IBTK: variants seen among roughly 807,000 people sequenced by gnomAD.
IBTK encodes BTK-binding protein.
A neutral mutation model predicts 154.9 loss-of-function variants in IBTK; 83 were observed. The ratio of observed to expected loss-of-function variants is 0.54; its 90% CI spans 0.45 to 0.64. IBTK has a LOEUF of 0.64. Ranked by LOEUF, IBTK falls within the 30% of genes least tolerant of loss-of-function variation. The pLI, the probability that IBTK is intolerant of heterozygous loss-of-function variation, is 0.00. For synonymous variants in IBTK, 515 were observed against 536.1 expected (o/e 0.96, Z 0.54); for missense variants, 1,332 against 1,584.6 (o/e 0.84, Z 2.71).
At position 82,170,725 on chromosome 6, in the gene IBTK, C is replaced by T. The variant is rs2127794463; in HGVS notation, c.*700G>A. The stretch of plus-strand genomic sequence containing the variant: ...TCCCACCAAAAATAACCCACAATGA[C>T]TCCAAATCTTGTTTTTCTTTTTTAA... On this transcript the variant is annotated 3_prime_UTR_variant, in exon 29 of 29. Transcript: ENST00000306270. 6.6e-6 allele frequency: 1 copy of T among 152,176 alleles called. No individual in the cohort carries two copies. Among genetic ancestry groups the T allele is most frequent in the East Asian group, 1.9e-4 (1 of 5,204 alleles). The allele number at this position is 152,176 out of a possible 1,614,324, so 9.4% of individuals were successfully genotyped here. A position where few individuals can be genotyped will look rare whatever the true frequency, so the allele number is the denominator to read the frequency against.
intron 26 of IBTK, among the ~76,000 whole-genome samples, chr6:82,180,137 C>A (rs1393565771): frequency 6.6e-6 from 1 of 151,704 alleles, no homozygotes; most frequent in Non-Finnish European, 1.5e-5. Context: ...AGACTATGTA[C>A]CTAGTTTTAT....
At position 82,172,342 on chromosome 6, in the gene IBTK, T is replaced by A. The variant is rs761291428; in HGVS notation, c.3930+38A>T. ...TTAAAACCTAAGTAGGAAATGTAGTTCTTCTCTAAATTAAACCCTACTAAG... is the reference window on the plus strand; with the variant it reads ...TTAAAACCTAAGTAGGAAATGTAGTACTTCTCTAAATTAAACCCTACTAAG... On this transcript the variant is annotated intron_variant, in intron 28 of 28. Transcript: ENST00000306270. 13 of 1,584,100 alleles carry A rather than the reference T, an allele frequency of 8.2e-6. No individual in the cohort carries two copies. In the South Asian group the frequency reaches 1.2e-4, roughly 14 times the overall value.
intron 2 of IBTK, among the ~76,000 whole-genome samples, chr6:82,238,402 T>A (rs1770814935): frequency 6.6e-6 from 1 of 152,110 alleles, no homozygotes; most frequent in Non-Finnish European, 1.5e-5. Flanking sequence ...ACACACCTAA[T>A]CTACTAGAAA....
At chr6:82,203,036 T>C (rs1170609837) in intron 17 of IBTK, among the ~76,000 whole-genome samples, 1 of 151,890 alleles carries the variant, frequency 6.6e-6, no homozygotes, top group African/African-American at 2.4e-5. Context: ...CCCTCTTCCA[T>C]AAAACTAAAA....
intron 6 of IBTK, among the ~76,000 whole-genome samples, chr6:82,224,509 A>C (rs1770222460): frequency 6.6e-6 from 1 of 152,236 alleles, no homozygotes; most frequent in African/African-American, 2.4e-5. Flanking sequence ...TCTCATTCTT[A>C]ATAGAAAACA....
rs760058087 is a variant in IBTK, at chr6:82,194,494, A to G, written c.3323T>C (p.Val1108Ala). The G allele has an allele frequency of 9.5e-6, 15 of 1,577,920 alleles. No homozygotes were observed. The highest frequency in any genetic ancestry group is 1.3e-5 in the Non-Finnish European group (15 of 1,164,392). The change falls in exon 23 of 29, where the codon GTT (valine) becomes GCT (alanine). Residue 1108 changes from valine to alanine, a missense_variant. Val to Ala is a moderately conservative substitution (Grantham distance 64). Coordinates refer to ENST00000306270, the MANE Select transcript of IBTK (RefSeq NM_015525.4). The stretch of plus-strand genomic sequence containing the variant: ...AAAATCCTACCTGAAAGAACCAGCA[A>G]CCCAACTGGCAGAGCTGGTAGTATC... ...RIDTTSSASW[V>A]AGSFSPVSPP...
intron 26 of IBTK, among the ~76,000 whole-genome samples, chr6:82,176,474 T>TCACGC (rs1368830385): frequency 7.3e-6 from 1 of 136,494 alleles, no homozygotes; most frequent in Non-Finnish European, 1.5e-5. Context: ...TGAGCGGAGA[T>TCACGC]CACGCCATTG....
intron 25 of IBTK, among the ~76,000 whole-genome samples, chr6:82,188,323 T>C (rs1056632228): frequency 6.6e-6 from 1 of 152,212 alleles, no homozygotes; most frequent in African/African-American, 2.4e-5. Flanking sequence ...TTTTGGTTGA[T>C]TGGTTTATTT....
In IBTK at chr6:82,220,605, C is replaced by T; in HGVS notation, c.1233G>A (p.Met411Ile). The T allele has an allele frequency of 6.2e-7, 1 of 1,611,294 alleles. No homozygotes were observed. Among genetic ancestry groups the T allele is most frequent in the Non-Finnish European group, 8.5e-7 (1 of 1,179,044 alleles). The change falls in exon 9 of 29, where the codon ATG becomes ATA. Residue 411 changes from methionine to isoleucine, a missense_variant. Met to Ile is a conservative substitution (Grantham distance 10, BLOSUM62 1). Coordinates refer to ENST00000306270, the MANE Select transcript of IBTK (RefSeq NM_015525.4). ...ATGTACTTACCCTTCCAGCTCCATC[C>T]ATTGCAAGAATGCAAATTTTTTGAC... ...NGGQKICILA[M>I]DGAGRVFCWR...
intron 12 of IBTK, among the ~76,000 whole-genome samples, chr6:82,213,884 A>G (rs1289062022): frequency 6.6e-6 from 1 of 152,138 alleles, no homozygotes; most frequent in Non-Finnish European, 1.5e-5. Flanking sequence ...AAGGAGAAAG[A>G]GAAGGGGATG....
chr6:82,200,032 T>A (rs777928219), intron 21 of IBTK, 109 bp downstream of exon 21: 8 of 710,496 alleles, frequency 1.1e-5, no homozygotes, highest in African/African-American at 1.8e-5. Context: ...AAACTATCAC[T>A]TTTGGTACCT....
At chr6:82,229,467 C>T (rs1770419933) in intron 4 of IBTK, among the ~76,000 whole-genome samples, 1 of 152,054 alleles carries the variant, frequency 6.6e-6, no homozygotes, top group Non-Finnish European at 1.5e-5. Context: ...TCATGTACTA[C>T]CTCAAAAAAG....
intron 8 of IBTK, 96 bp downstream of exon 8, chr6:82,223,344 C>T (rs1359018369): frequency 1.0e-6 from 1 of 970,336 alleles, no homozygotes; most frequent in Non-Finnish European, 1.4e-6. Flanking sequence ...TTCCATTTGA[C>T]ATTTATAGAA....
chr6:82,214,916 A>AT lies in IBTK; in HGVS notation c.1602-88dup, dbSNP rs375627986. On this transcript the variant is annotated intron_variant, in intron 11 of 28. Coordinates refer to ENST00000306270, the MANE Select transcript of IBTK (RefSeq NM_015525.4). ...CTAGCCAATTCTCCTTTAAAATGCAATTTTTTTAACAATATTTAGAAAATT... is the reference window on the plus strand; with the variant it reads ...CTAGCCAATTCTCCTTTAAAATGCAATTTTTTTTAACAATATTTAGAAAATT... 906 of 1,391,894 alleles carry AT rather than the reference A, an allele frequency of 6.5e-4. 8 individuals carry two copies. In the African/African-American group the frequency reaches 0.01, roughly 16 times the overall value. 86.2% of individuals were successfully genotyped at this position (1,391,894 alleles called of 1,614,324 possible). A position where few individuals can be genotyped will look rare whatever the true frequency, so the allele number is the denominator to read the frequency against.
chr6:82,231,957 A>G, intron 3 of IBTK, 115 bp from the exon 4 acceptor site: 2 of 561,414 alleles, frequency 3.6e-6, no homozygotes, highest in Admixed American at 7.0e-5. Context: ...ATATATTAAT[A>G]TGATATTAGG....
chr6:82,214,966 C>T (rs904669950), intron 11 of IBTK, 137 bp from the exon 12 acceptor site: 14 of 829,914 alleles, frequency 1.7e-5, no homozygotes, highest in African/African-American at 3.4e-5. Flanking sequence ...TCCTAAAATA[C>T]AAGAATATTG....
chr6:82,178,662 T>C (rs1562069494), intron 26 of IBTK, among the ~76,000 whole-genome samples: 1 of 152,120 alleles, frequency 6.6e-6, no homozygotes, highest in Non-Finnish European at 1.5e-5. Context: ...AACATGAAAA[T>C]ACTTAGAGTA....
Position 82,216,118 on chromosome 6 carries a change from C to G in IBTK, c.1559G>C (p.Ser520Thr). The G allele has an allele frequency of 6.2e-7, 1 of 1,612,392 alleles. No homozygotes were observed. Among genetic ancestry groups the G allele is most frequent in the South Asian group, 1.1e-5 (1 of 90,428 alleles). The change falls in exon 11 of 29, where the codon AGT (serine) becomes ACT (threonine). Residue 520 changes from serine (S) to threonine (T), a missense_variant. Transcript: ENST00000306270. Reference sequence around the variant, plus strand: ...CTGCAGGATTGCAAAGTTGCATCCACTTGGATCTGTGCTGACACTAACAGC... The same window carrying G: ...CTGCAGGATTGCAAAGTTGCATCCAGTTGGATCTGTGCTGACACTAACAGC... ...HRAVSVSTDP[S>T]GCNFAILQSD...
At chr6:82,186,088 C>A (rs1768545459) in intron 25 of IBTK, among the ~76,000 whole-genome samples, 1 of 152,056 alleles carries the variant, frequency 6.6e-6, no homozygotes, top group Non-Finnish European at 1.5e-5. Flanking sequence ...TTTGGAGCAC[C>A]ATGAACCACA....
Sources: gnomAD v4.1 joint callset for allele counts (sites outside exome capture counted in the v4.1 genomes callset) on GRCh38, gnomAD v4.1.1 for gene constraint, MANE v1.5 for transcripts, NCBI Gene and HGNC (gene_info 2026-07-23, HGNC 2026-07-21) for gene names.